Variants in MALRD1 observed in about 807,000 individuals in gnomAD.
MALRD1 encodes MAM and LDL-receptor class A domain-containing protein 1.
Under a neutral mutation model 242.1 loss-of-function variants are expected in MALRD1, and 247 were observed. The observed-to-expected ratio is 1.02, with a 90% confidence interval of 0.92 to 1.13. The LOEUF (loss-of-function observed/expected upper bound fraction) is 1.13, where lower values mean the gene tolerates loss of function less well. Among genes scored for constraint, MALRD1 ranks in the 50% most tolerant of loss-of-function variants. The pLI is 0.00. For synonymous variants in MALRD1, 995 were observed against 866.6 expected, an observed-to-expected ratio of 1.15 and a Z score of -2.60; for missense variants, 2,989 against 2,533.1, an observed-to-expected ratio of 1.18 and a Z score of -3.86.
Position 19,146,219 on chromosome 10 carries a change from T to C in MALRD1, c.1433T>C (p.Phe478Ser). The part of the protein sequence containing the change: ...ATCSKHLTCD[F>S]ESGFCGWEPF... ...ACAGCAAAGCATCTCACCTGTGACT[T>C]TGAGTCGGGTTTCTGCGGTTGGGAG... Residue 478 changes from phenylalanine to serine, a missense_variant, in exon 11 of 40, where the codon TTT (phenylalanine) becomes TCT (serine). Phe to Ser is a radical substitution (Grantham distance 155). Coordinates refer to ENST00000454679, the MANE Select transcript of MALRD1 (RefSeq NM_001142308.3). The C allele has an allele frequency of 8.1e-7, 1 of 1,231,684 alleles. No individual in the cohort carries two copies. The allele number at this position is 1,231,684 out of a possible 1,614,324, so 76.3% of individuals were successfully genotyped here.
chr10:19,568,946 C>T (rs1836379268), intron 33 of MALRD1, among the ~76,000 whole-genome samples: 1 of 152,094 alleles, frequency 6.6e-6, no homozygotes, highest in African/African-American at 2.4e-5. Context: ...ATTCTAGATA[C>T]ATATTCACAT....
intron 28 of MALRD1, among the ~76,000 whole-genome samples, chr10:19,438,948 C>T (rs569791961): frequency 8.5e-5 from 13 of 152,056 alleles, no homozygotes; most frequent in Non-Finnish European, 1.6e-4. Flanking sequence ...CACTGGCAAC[C>T]GATGCTTTTT....
At position 19,283,120 on chromosome 10, in the gene MALRD1, G is replaced by T. The variant is rs1336637781; in HGVS notation, c.3358G>T (p.Gly1120Trp). The change falls in exon 21 of 40, where the codon GGG (glycine) becomes TGG (tryptophan). Residue 1120 changes from glycine (G) to tryptophan (W), a missense_variant. Coordinates refer to ENST00000454679, the MANE Select transcript of MALRD1 (RefSeq NM_001142308.3). ...TTCAAACACATTCAGGTGGGGGCTT[G>T]GGAACGGGATCAGCATTCATCATGG... is the stretch of plus-strand genomic sequence containing the variant. ...QDSNTFRWGL[G>W]NGISIHHGEE... 1.3e-6 allele frequency: 2 copies of T among 1,549,672 alleles called. No homozygotes were observed.
chr10:19,595,251 C>T lies in MALRD1; in HGVS notation c.5738C>T (p.Thr1913Ile), dbSNP rs1838023274. The change falls in exon 34 of 40, where the codon ACA becomes ATA. Residue 1913 changes from threonine to isoleucine, a missense_variant. Coordinates refer to ENST00000454679, the MANE Select transcript of MALRD1 (RefSeq NM_001142308.3). The stretch of plus-strand genomic sequence containing the variant: ...GCTGATCAGTTTTCTTGTATCTACA[C>T]ACTCCAATGTGTCCCTCTCTCAGGG... The part of the protein sequence containing the change: ...CEADQFSCIY[T>I]LQCVPLSGKC... The T allele has an allele frequency of 6.4e-7, 1 of 1,550,488 alleles. No individual in the cohort carries two copies.
rs1372167722 is a variant in MALRD1 at position 19,203,846 on chromosome 10, T to G, written c.2070T>G (p.Ala690=). The G allele has an allele frequency of 1.9e-6, 3 of 1,550,518 alleles. No individual in the cohort carries two copies. The change falls in exon 15 of 40, where the codon GCT becomes GCG. Residue 690 remains alanine, a synonymous_variant. Coordinates refer to ENST00000454679, the MANE Select transcript of MALRD1 (RefSeq NM_001142308.3). ...SELSADFEHQ[A]PPRDHSLNAS... The stretch of plus-strand genomic sequence containing the variant: ...TTTCTGCTGATTTTGAGCACCAGGC[T>G]CCACCTCGGGATCATAGTCTCAACG...
At chr10:19,388,314 T>G (rs1179145410) in intron 27 of MALRD1, among the ~76,000 whole-genome samples, 5 of 152,216 alleles carry the variant, frequency 3.3e-5, no homozygotes, top group South Asian at 4.1e-4. Context: ...CTCTGGCATA[T>G]TTTTGGGAAG....
At chr10:19,213,946 A>T (rs906462662) in intron 18 of MALRD1, among the ~76,000 whole-genome samples, 3 of 152,156 alleles carry the variant, frequency 2.0e-5, no homozygotes, top group Non-Finnish European at 4.4e-5. Context: ...ATCCCTGGGA[A>T]TCTTGAGGTG....
At chr10:19,443,542 A>C (rs1041108673) in intron 28 of MALRD1, among the ~76,000 whole-genome samples, 2 of 152,180 alleles carry the variant, frequency 1.3e-5, no homozygotes, top group Non-Finnish European at 2.9e-5. Context: ...ATTGGTTTCA[A>C]AGAACATCTT....
At chr10:19,086,260 A>G (rs1472756461) in intron 2 of MALRD1, among the ~76,000 whole-genome samples, 2 of 152,004 alleles carry the variant, frequency 1.3e-5, no homozygotes, top group African/African-American at 2.4e-5. Flanking sequence ...TAATTTTACT[A>G]TTGATTCTTT....
chr10:19,441,879 G>C (rs1164509340), intron 28 of MALRD1, among the ~76,000 whole-genome samples: 3 of 152,158 alleles, frequency 2.0e-5, no homozygotes, highest in African/African-American at 7.2e-5. Context: ...GAAAGTCATT[G>C]GTAGCTTGGT....
At chr10:19,266,135 A>G (rs970702366) in intron 19 of MALRD1, among the ~76,000 whole-genome samples, 8 of 132,666 alleles carry the variant, frequency 6.0e-5, no homozygotes, top group Non-Finnish European at 6.3e-5. Context: ...TATGCAGCAC[A>G]TTATTGGATA....
intron 29 of MALRD1, among the ~76,000 whole-genome samples, chr10:19,454,405 G>GATAGATATATAT (rs1554775337): frequency 1.2e-5 from 1 of 80,558 alleles, no homozygotes; most frequent in Non-Finnish European, 2.4e-5. Context: ...TTATGCATAT[G>GATAGATATATAT]ATATATATAT....
chr10:19,634,899 G>C (rs1259015186), intron 36 of MALRD1, among the ~76,000 whole-genome samples: 1 of 152,146 alleles, frequency 6.6e-6, no homozygotes, highest in Non-Finnish European at 1.5e-5. Context: ...TTCCAGGTTG[G>C]TGAAATAGAG....
intron 19 of MALRD1, among the ~76,000 whole-genome samples, chr10:19,261,208 A>G (rs892727947): frequency 2.0e-5 from 3 of 152,230 alleles, no homozygotes; most frequent in Admixed American, 6.5e-5. Context: ...TACTAGAAGC[A>G]TAGGCAGAGA....
At chr10:19,439,164 C>T (rs1040950429) in intron 28 of MALRD1, among the ~76,000 whole-genome samples, 1 of 151,928 alleles carries the variant, frequency 6.6e-6, no homozygotes, top group Admixed American at 6.6e-5. Context: ...TTAAAAATTA[C>T]ATAAAATAGC....
At chr10:19,124,777 T>C (rs1329613566) in intron 7 of MALRD1, 107 bp downstream of exon 7, 2 of 922,194 alleles carry the variant, frequency 2.2e-6, no homozygotes, top group African/African-American at 3.4e-5. Flanking sequence ...ACTGAGTATA[T>C]TTTATTGAAA....
chr10:19,251,258 CT>C (rs946335294), intron 18 of MALRD1, among the ~76,000 whole-genome samples: 18 of 152,156 alleles, frequency 1.2e-4, no homozygotes, highest in Middle Eastern at 3.4e-3. Flanking sequence ...CCATGGATTT[CT>C]TCTGTTAGGC....
intron 28 of MALRD1, among the ~76,000 whole-genome samples, chr10:19,431,759 A>G (rs11009876): frequency 0.089 from 13,564 of 152,156 alleles, 1,925 homozygotes; most frequent in African/African-American, 0.31. Context: ...AGGGAAGACA[A>G]GTGAGCTGAG....
At chr10:19,559,702 A>T (rs185413348) in intron 32 of MALRD1, among the ~76,000 whole-genome samples, 9 of 152,296 alleles carry the variant, frequency 5.9e-5, no homozygotes, top group Non-Finnish European at 1.2e-4. Flanking sequence ...AGTGAAGGCA[A>T]CCTAGAGAAT....
Sources: allele counts gnomAD v4.1 joint callset (sites outside exome capture counted in the v4.1 genomes callset), GRCh38; gene constraint gnomAD v4.1.1; transcripts MANE v1.5; gene names NCBI Gene and HGNC (gene_info 2026-07-23, HGNC 2026-07-21).